Variants in RDH12 observed in about 807,000 individuals in gnomAD.
The protein encoded by RDH12 is all-trans and 9-cis retinol dehydrogenase.
Under a neutral mutation model 34.0 loss-of-function variants are expected in RDH12, and 21 were observed. The observed-to-expected ratio is 0.62, with a 90% CI of 0.44 to 0.89. The LOEUF (loss-of-function observed/expected upper bound fraction) is 0.89, where lower values mean the gene tolerates loss of function less well. RDH12 is among the 40% of genes least tolerant of loss of function. The pLI is 0.00. For synonymous variants in RDH12, 198 were observed against 169.9 expected, an observed-to-expected ratio of 1.17 and a Z score of -1.29; for missense variants, 394 against 398.6, an observed-to-expected ratio of 0.99 and a Z score of 0.10.
chr14:67,731,207 CTTTTTT>C lies in RDH12; in HGVS notation c.848+1846_848+1851del, dbSNP rs71129853. Among the ~76,000 whole-genome samples the C allele has an allele frequency of 8.8e-5, 8 of 90,614 alleles. No homozygotes were observed. In the South Asian group the frequency reaches 3.7e-3, roughly 42 times the overall value. The allele number at this position is 90,614 out of a possible 152,430, so 59.4% of individuals were successfully genotyped here. A position where few individuals can be genotyped will look rare whatever the true frequency, so the allele number is the denominator to read the frequency against. ...TGTTTCTCATCATATTTCTTTCTTT[CTTTTTT>C]TTTTTTTTTTTTTTTTTTGGAGACA... is the stretch of plus-strand genomic sequence containing the variant. On this transcript the variant is annotated intron_variant, in intron 8 of 8. Transcript: ENST00000551171.
chr14:67,714,865 C>A (rs1419641891), intron 1 of RDH12: 1 of 152,184 alleles, frequency 6.6e-6, no homozygotes, highest in South Asian at 2.1e-4. Context: ...CAGAGGCAAA[C>A]CTGTGCAAAG....
chr14:67,724,008 G>C (rs374722316), intron 3 of RDH12, among the ~76,000 whole-genome samples: 1 of 152,234 alleles, frequency 6.6e-6, no homozygotes, highest in South Asian at 2.1e-4. Context: ...AGAGTGCTAA[G>C]AGCAGTACCT....
chr14:67,702,844 C>A (rs971640684), intron 1 of RDH12, among the ~76,000 whole-genome samples: 3 of 152,182 alleles, frequency 2.0e-5, no homozygotes, highest in African/African-American at 7.2e-5. Flanking sequence ...AACAGGGCCT[C>A]ACTCTGTTGC....
At chr14:67,732,447 C>G (rs1200380757) in intron 8 of RDH12, among the ~76,000 whole-genome samples, 4 of 146,682 alleles carry the variant, frequency 2.7e-5, no homozygotes, top group Admixed American at 2.7e-4. Flanking sequence ...AAAAAAAAAT[C>G]CTCCTCAAAC....
rs140895705 is a variant in RDH12, at chr14:67,727,068, A to G, written c.536A>G (p.His179Arg). Residue 179 changes from histidine to arginine, a missense_variant, in exon 7 of 9, where the codon CAC (histidine) becomes CGC (arginine). Physicochemically the swap from His to Arg is conservative, Grantham distance 29 (BLOSUM62 0). Coordinates refer to ENST00000551171, the MANE Select transcript of RDH12 (RefSeq NM_152443.3). ...GTTAATGTGTCCTCGGTGGCTCACC[A>G]CATTGGCAAGATTCCCTTCCACGAC... ...RVVNVSSVAHHIGKIPFHDLQ... is the reference protein window; with the variant it reads ...RVVNVSSVAHRIGKIPFHDLQ... 2.5e-6 allele frequency: 4 copies of G among 1,614,010 alleles called. No individual in the cohort carries two copies. The African/African-American group carries it at 4.0e-5, about 16-fold the overall frequency.
intron 7 of RDH12, among the ~76,000 whole-genome samples, chr14:67,728,885 T>C (rs1012258572): frequency 6.6e-6 from 1 of 152,220 alleles, no homozygotes; most frequent in African/African-American, 2.4e-5. Flanking sequence ...TGATTGATAC[T>C]ACTCACTACA....
At chr14:67,713,822 G>A (rs867851336) in intron 1 of RDH12, among the ~76,000 whole-genome samples, 9 of 152,266 alleles carry the variant, frequency 5.9e-5, no homozygotes, top group Non-Finnish European at 1.0e-4. Flanking sequence ...AATGAACATC[G>A]GTTTGGTCTG....
rs577607548 is a variant in RDH12, at chr14:67,729,437, T to C, written c.848+57T>C. 3 of 1,535,914 alleles carry C rather than the reference T, an allele frequency of 2.0e-6. No individual in the cohort carries two copies. In the East Asian group the frequency reaches 6.7e-5, roughly 34 times the overall value. On this transcript the variant is annotated intron_variant, in intron 8 of 8. Coordinates refer to ENST00000551171, the MANE Select transcript of RDH12 (RefSeq NM_152443.3). ...CCTGTGTGCATGGGAGGTGCCGGAC[T>C]CGCTGGGCTGTTCATCCTGAGAAGC... is the stretch of plus-strand genomic sequence containing the variant.
At chr14:67,716,444 T>A (rs2038070567) in intron 1 of RDH12, among the ~76,000 whole-genome samples, 1 of 152,260 alleles carries the variant, frequency 6.6e-6, no homozygotes, top group Admixed American at 6.5e-5. Flanking sequence ...AATATGGCAA[T>A]TTATAAAAAA....
intron 1 of RDH12, among the ~76,000 whole-genome samples, chr14:67,711,335 T>A (rs2038007104): frequency 6.6e-6 from 1 of 152,206 alleles, no homozygotes; most frequent in Non-Finnish European, 1.5e-5. Context: ...AAGTATGAAA[T>A]TGCTTGATTA....
At chr14:67,724,995 G>T (rs938198805) in intron 4 of RDH12, 104 bp from the exon 5 acceptor site, 1 of 1,287,936 alleles carries the variant, frequency 7.8e-7, no homozygotes, top group Non-Finnish European at 1.1e-6. Flanking sequence ...TTGAAGGATG[G>T]CTGGGAGAAT....
chr14:67,719,533 G>C (rs2038101057), intron 1 of RDH12, among the ~76,000 whole-genome samples: 1 of 151,986 alleles, frequency 6.6e-6, no homozygotes, highest in South Asian at 2.1e-4. Flanking sequence ...GGAGTGTAGT[G>C]GCATGATCAT....
intron 1 of RDH12, among the ~76,000 whole-genome samples, chr14:67,710,888 T>G (rs1716193544): frequency 6.6e-6 from 1 of 152,188 alleles, no homozygotes; most frequent in Admixed American, 6.5e-5. Context: ...TTATTTTATT[T>G]TCATTGTTTA....
At chr14:67,703,772 C>T in intron 1 of RDH12, among the ~76,000 whole-genome samples, 1 of 152,042 alleles carries the variant, frequency 6.6e-6, no homozygotes, top group Non-Finnish European at 1.5e-5. Context: ...CTCTCCTGGT[C>T]TCAAGTGATC....
chr14:67,708,531 A>G (rs563373124), intron 1 of RDH12, among the ~76,000 whole-genome samples: 1 of 152,180 alleles, frequency 6.6e-6, no homozygotes, highest in Admixed American at 6.5e-5. Context: ...TAAAGAAACA[A>G]TTGACAAGGA....
intron 1 of RDH12, among the ~76,000 whole-genome samples, chr14:67,719,790 T>G (rs1347808845): frequency 1.3e-5 from 2 of 152,164 alleles, no homozygotes; most frequent in African/African-American, 4.8e-5. Flanking sequence ...AATTTAATGT[T>G]TATTTACTTA....
intron 1 of RDH12, among the ~76,000 whole-genome samples, chr14:67,711,220 A>G (rs2038005873): frequency 6.6e-6 from 1 of 152,190 alleles, no homozygotes; most frequent in Non-Finnish European, 1.5e-5. Context: ...TCAATGTCTT[A>G]TTTATTAAAG....
chr14:67,729,323 C>T lies in RDH12; in HGVS notation c.791C>T (p.Thr264Ile), dbSNP rs1263794372. 1.3e-6 allele frequency: 2 copies of T among 1,599,900 alleles called. No individual in the cohort carries two copies. Among genetic ancestry groups the T allele is most frequent in the South Asian group, 1.1e-5 (1 of 90,990 alleles). ...AAGACGGCACGGGAGGGGGCGCAGA[C>T]CAGCCTGCACTGCGCCCTGGCTGAG... ...FVKTAREGAQ[T>I]SLHCALAEGL... The change falls in exon 8 of 9, where the codon ACC becomes ATC. Residue 264 changes from threonine to isoleucine, a missense_variant. By Grantham distance (89) the Thr-to-Ile change is moderately conservative (BLOSUM62 -1). Transcript: ENST00000551171.
intron 8 of RDH12, among the ~76,000 whole-genome samples, chr14:67,732,823 CACCCACCTCAGCCT>C (rs1374498167): frequency 1.3e-5 from 2 of 152,162 alleles, no homozygotes; most frequent in African/African-American, 2.4e-5. Context: ...TCAGGTGATC[CACCCACCTCAGCCT>C]CCCAAAGTCC....
Sources: allele counts gnomAD v4.1 joint callset (sites outside exome capture counted in the v4.1 genomes callset), GRCh38; gene constraint gnomAD v4.1.1; transcripts MANE v1.5; gene names NCBI Gene and HGNC (gene_info 2026-07-23, HGNC 2026-07-21).